Variants in DYNC1H1 observed in about 807,000 individuals in gnomAD.
DYNC1H1 encodes dynein cytoplasmic 1 heavy chain 1.
In DYNC1H1, 51 loss-of-function variants were observed where a neutral mutation model predicts 527.1. The ratio of observed to expected loss-of-function variants is 0.10; its 90% CI spans 0.08 to 0.12. The LOEUF is 0.12. Among genes scored for constraint, DYNC1H1 ranks in the 10% least tolerant of loss-of-function variants. The pLI, the probability that DYNC1H1 is intolerant of heterozygous loss-of-function variation, is 1.00. For synonymous variants in DYNC1H1, 2,189 were observed against 2,278.8 expected (o/e 0.96, Z 1.12); for missense variants, 2,771 against 5,971.8 (o/e 0.46, Z 17.66).
chr14:101,970,027 T>TAA (rs1180419122), intron 1 of DYNC1H1, among the ~76,000 whole-genome samples: 2 of 152,204 alleles, frequency 1.3e-5, no homozygotes, highest in African/African-American at 4.8e-5. Context: ...TGGTATCTGT[T>TAA]ATTTATTTTG....
rs200589320 is a variant in DYNC1H1 at position 102,016,777 on chromosome 14, C to T, written c.7626C>T (p.Ser2542=). 34 of 1,613,570 alleles carry T rather than the reference C, an allele frequency of 2.1e-5. No homozygotes were observed. Among genetic ancestry groups the T allele is most frequent in the East Asian group, 1.3e-4 (6 of 44,894 alleles). The stretch of plus-strand genomic sequence containing the variant: ...ATCTCCGTGTGTAGGTGTCCATCAG[C>T]GGAGAATGGTCTCCGTGGCAGGCCA... ...IPIIDYEVSI[S]GEWSPWQAKV... Residue 2542 remains serine (S), a synonymous_variant, in exon 38 of 78, where the codon AGC becomes AGT. Coordinates refer to ENST00000360184, the MANE Select transcript of DYNC1H1 (RefSeq NM_001376.5). The surrounding 1 kb of genome is among the most constrained non-coding windows in gnomAD (Gnocchi z 7.3).
rs1018948570 is a variant in DYNC1H1, at chr14:102,016,051, C to T, written c.7438C>T (p.Pro2480Ser). Residue 2480 changes from proline (P) to serine (S), a missense_variant, in exon 36 of 78, where the codon CCC (proline) becomes TCC (serine). By Grantham distance (74) the Pro-to-Ser change is moderately conservative. Transcript: ENST00000360184. The surrounding 1 kb of genome is among the most constrained non-coding windows in gnomAD (Gnocchi z 7.3). ...GTATAACGCCAACCATCCCGACTTC[C>T]CCATGCAGATCGAGCAGCTGGAGCG... ...AQYNANHPDF[P>S]MQIEQLERYI... is the part of the protein sequence containing the mutation. 17 of 1,613,094 alleles carry T rather than the reference C, an allele frequency of 1.1e-5. No homozygotes were observed. Among genetic ancestry groups the T allele is most frequent in the Non-Finnish European group, 1.3e-5 (15 of 1,179,850 alleles).
Position 102,004,749 on chromosome 14 carries a change from G to A in DYNC1H1, c.5050-13G>A. On this transcript the variant is annotated splice_polypyrimidine_tract_variant and intron_variant, in intron 24 of 77. Transcript: ENST00000360184. ...TTTGCATACCTCATTTCTTAAAATT[G>A]TATTTATTTCAGGTTATGTTTAAAA... The A allele has an allele frequency of 1.2e-6, 2 of 1,613,992 alleles. No individual in the cohort carries two copies. The highest frequency in any genetic ancestry group is 1.7e-6 in the Non-Finnish European group (2 of 1,179,996).
chr14:101,979,667 T>C lies in DYNC1H1; in HGVS notation c.519-52T>C. 1 of 1,612,726 alleles carries C rather than the reference T, an allele frequency of 6.2e-7. No individual in the cohort carries two copies. The highest frequency in any genetic ancestry group is 1.7e-5 in the Admixed American group (1 of 60,012). ...TTGACAGACCTGAAATGATGGGATC[T>C]CTTTGGAGACCAATAGCACACTAAA... On this transcript the variant is annotated intron_variant, in intron 3 of 77. Coordinates refer to ENST00000360184, the MANE Select transcript of DYNC1H1 (RefSeq NM_001376.5). This position sits in a 1 kb window ranked among gnomAD's most constrained non-coding sequence, Gnocchi z 4.6.
Position 101,986,296 on chromosome 14 carries a change from A to C in DYNC1H1, c.2071A>C (p.Met691Leu), listed in dbSNP as rs745510694. 1.2e-5 allele frequency: 20 copies of C among 1,614,008 alleles called. No homozygotes were observed. In the East Asian group the frequency reaches 4.5e-4, roughly 36 times the overall value. The change falls in exon 8 of 78, where the codon ATG (methionine) becomes CTG (leucine). Residue 691 changes from methionine to leucine, a missense_variant. Coordinates refer to ENST00000360184, the MANE Select transcript of DYNC1H1 (RefSeq NM_001376.5). The surrounding 1 kb of genome is among the most constrained non-coding windows in gnomAD (Gnocchi z 8.7). ...GAAGCAGGATGGAGACAGCTTCCGC[A>C]TGAAGCTCAACACGCAGGAGATCTT... ...KLKQDGDSFR[M>L]KLNTQEIFDD... is the part of the protein sequence containing the mutation.
At chr14:101,991,349 G>A (rs554590568) in intron 10 of DYNC1H1, among the ~76,000 whole-genome samples, 178 bp from the exon 11 acceptor site, 4 of 152,274 alleles carry the variant, frequency 2.6e-5, no homozygotes, top group South Asian at 2.1e-4. Context: ...GCGCATGCCC[G>A]TAATCCCAGC....
chr14:102,025,123 G>A (rs1042565408), intron 43 of DYNC1H1, among the ~76,000 whole-genome samples: 4 of 151,902 alleles, frequency 2.6e-5, no homozygotes, highest in Non-Finnish European at 4.4e-5. Context: ...ATCACCTGAG[G>A]TCAGGAGTTC....
intron 7 of DYNC1H1, among the ~76,000 whole-genome samples, chr14:101,984,999 C>G (rs1392939070): frequency 6.6e-6 from 1 of 150,718 alleles, no homozygotes; most frequent in Admixed American, 6.6e-5. Flanking sequence ...AGGCTGGTCT[C>G]GAGCTCCTGA....
chr14:102,021,041 T>G (rs2048378144), intron 42 of DYNC1H1, among the ~76,000 whole-genome samples: 1 of 152,130 alleles, frequency 6.6e-6, no homozygotes, highest in South Asian at 2.1e-4. Context: ...CAGTCTTTTG[T>G]TATTGTTGCT....
At chr14:101,970,220 G>A (rs186034726) in intron 1 of DYNC1H1, among the ~76,000 whole-genome samples, 1,557 of 152,128 alleles carry the variant, frequency 0.01, 93 homozygotes, top group Admixed American at 0.097. Context: ...TGTTACAATG[G>A]AAATCTTCAG....
In DYNC1H1 at chr14:102,033,720, C is replaced by G; in HGVS notation, c.10413+236C>G. 5.8e-6 allele frequency: 4 copies of G among 687,848 alleles called. No individual in the cohort carries two copies. The highest frequency in any genetic ancestry group is 9.9e-6 in the Non-Finnish European group (4 of 402,756). 42.6% of individuals were successfully genotyped at this position (687,848 alleles called of 1,614,324 possible). A position where few individuals can be genotyped will look rare whatever the true frequency, so the allele number is the denominator to read the frequency against. ...TTTCAGCCGTTGAATCCCCCACCAG[C>G]AGCTCCAGACCTGTTTGCTCTGCTG... On this transcript the variant is annotated intron_variant, in intron 54 of 77. Coordinates refer to ENST00000360184, the MANE Select transcript of DYNC1H1 (RefSeq NM_001376.5). This position sits in a 1 kb window ranked among gnomAD's most constrained non-coding sequence, Gnocchi z 5.6.
At position 102,010,884 on chromosome 14, in the gene DYNC1H1, A is replaced by C; in HGVS notation, c.6550A>C (p.Lys2184Gln). The change falls in exon 32 of 78, where the codon AAA (lysine) becomes CAA (glutamine). Residue 2184 changes from lysine to glutamine, a missense_variant. Physicochemically the swap from Lys to Gln is moderately conservative, Grantham distance 53. This residue lies in a region of DYNC1H1 where 56 missense variants were observed against 140.6 expected (regional missense o/e 0.40). Coordinates refer to ENST00000360184, the MANE Select transcript of DYNC1H1 (RefSeq NM_001376.5). This position sits in a 1 kb window ranked among gnomAD's most constrained non-coding sequence, Gnocchi z 6.0. ...EMTALREELK[K>Q]VCQEMYLTYG... The stretch of plus-strand genomic sequence containing the variant: ...GACTGCCCTTCGAGAGGAGCTGAAG[A>C]AAGTGTGTCAGGAGATGTATTTGAC... 1 of 1,614,244 alleles carries C rather than the reference A, an allele frequency of 6.2e-7. No individual in the cohort carries two copies.
chr14:102,029,839 C>T lies in DYNC1H1; in HGVS notation c.9663C>T (p.Asp3221=), dbSNP rs1044221766. Residue 3221 remains aspartate (D), a synonymous_variant, in exon 50 of 78, where the codon GAC becomes GAT. Coordinates refer to ENST00000360184, the MANE Select transcript of DYNC1H1 (RefSeq NM_001376.5). This position sits in a 1 kb window ranked among gnomAD's most constrained non-coding sequence, Gnocchi z 5.3. The part of the protein sequence containing the change: ...TVDQVEELRR[D]LRIKSQELEV... ...TTTAGGTAGAAGAACTGCGTCGTGA[C>T]TTGAGGATAAAGAGCCAAGAGCTGG... The T allele has an allele frequency of 6.2e-7, 1 of 1,614,030 alleles. No homozygotes were observed. The highest frequency in any genetic ancestry group is 8.5e-7 in the Non-Finnish European group (1 of 1,180,020).
At chr14:102,048,085 T>TCATGGACCATTGTTC (rs529458356) in intron 73 of DYNC1H1, 57 bp downstream of exon 73, 1 of 1,554,188 alleles carries the variant, frequency 6.4e-7, no homozygotes, top group Admixed American at 1.9e-5. Flanking sequence ...CTGGGTATGG[T>TCATGGACCATTGTTC]CATGGACCAT....
Position 102,016,741 on chromosome 14 carries a change from C to T in DYNC1H1, c.7615-25C>T. The T allele has an allele frequency of 6.2e-7, 1 of 1,611,030 alleles. No homozygotes were observed. The highest frequency in any genetic ancestry group is 8.5e-7 in the Non-Finnish European group (1 of 1,178,742). Reference sequence around the variant, plus strand: ...AGGAGGCACCTTGGTTGCAGCCGGACTCACACTTCCATCTCCGTGTGTAGG... The same window carrying T: ...AGGAGGCACCTTGGTTGCAGCCGGATTCACACTTCCATCTCCGTGTGTAGG... On this transcript the variant is annotated intron_variant, in intron 37 of 77. Coordinates refer to ENST00000360184, the MANE Select transcript of DYNC1H1 (RefSeq NM_001376.5). The surrounding 1 kb of genome is among the most constrained non-coding windows in gnomAD (Gnocchi z 7.3).
Position 102,029,797 on chromosome 14 carries a change from G to C in DYNC1H1, c.9643-22G>C. 1 of 1,614,206 alleles carries C rather than the reference G, an allele frequency of 6.2e-7. No homozygotes were observed. Among genetic ancestry groups the C allele is most frequent in the Non-Finnish European group, 8.5e-7 (1 of 1,180,044 alleles). On this transcript the variant is annotated intron_variant, in intron 49 of 77. Transcript: ENST00000360184. This position sits in a 1 kb window ranked among gnomAD's most constrained non-coding sequence, Gnocchi z 5.3. ...TAATTTCTGCATGTTTCTCGTCTCT[G>C]AGTGTGGGCTTTGCTCTTTAGGTAG...
chr14:101,994,426 G>A (rs1166653723), intron 12 of DYNC1H1, 102 bp downstream of exon 12: 1 of 1,539,182 alleles, frequency 6.5e-7, no homozygotes, highest in Non-Finnish European at 8.9e-7. Flanking sequence ...TTGACTGTAT[G>A]TATGGTTCAC....
At chr14:102,030,444 G>A in intron 51 of DYNC1H1, 162 bp downstream of exon 51, 1 of 1,056,844 alleles carries the variant, frequency 9.5e-7, no homozygotes, top group Non-Finnish European at 1.4e-6. Flanking sequence ...GAATGCTTGA[G>A]ATTGTCTTCA....
At chr14:101,978,624 C>T (rs1311032390) in intron 2 of DYNC1H1, among the ~76,000 whole-genome samples, 1 of 152,140 alleles carries the variant, frequency 6.6e-6, no homozygotes, top group African/African-American at 2.4e-5. Flanking sequence ...AGAAATAAAA[C>T]CTGCTTCCTG....
Sources: gnomAD v4.1 joint callset for allele counts (sites outside exome capture counted in the v4.1 genomes callset) on GRCh38, gnomAD v4.1.1 for gene constraint, gnomAD v4.1.1 regional missense constraint, Gnocchi (gnomAD v3.1) non-coding constraint, MANE v1.5 for transcripts, NCBI Gene and HGNC (gene_info 2026-07-23, HGNC 2026-07-21) for gene names.